The following PITPNM2 variants were observed in gnomAD, a reference collection of about 807,000 sequenced individuals.
PITPNM2 encodes the protein phosphatidylinositol transfer protein membrane associated 2.
Under a neutral mutation model 132.2 loss-of-function variants are expected in PITPNM2, and 35 were observed. That is an observed-to-expected ratio of 0.26 (90% CI 0.20 to 0.35). PITPNM2 has a LOEUF of 0.35. Ranked by LOEUF, PITPNM2 falls within the 10% of genes least tolerant of loss-of-function variation. PITPNM2 has a pLI of 1.00. For missense variants in PITPNM2, 1,332 were observed against 1,912.0 expected (o/e 0.70, Z 5.66); for synonymous variants, 738 against 799.2 (o/e 0.92, Z 1.29).
chr12:122,999,698 G>C (rs1026547794), intron 10 of PITPNM2, among the ~76,000 whole-genome samples: 1 of 152,168 alleles, frequency 6.6e-6, no homozygotes, highest in Non-Finnish European at 1.5e-5. Context: ...CTGGGCTCTA[G>C]TTGGGGCTGA....
In PITPNM2 at chr12:122,986,365, A is replaced by G. The variant is rs369160930; in HGVS notation, c.3727-15T>C. 8.0e-5 allele frequency: 127 copies of G among 1,579,646 alleles called. No homozygotes were observed. In the African/African-American group the frequency reaches 1.5e-3, roughly 19 times the overall value. ...TCCGTGATGAACTGCGGGGTCAGTGAGGACGGCTGTCACAGGCTGGGGCTC... is the reference window on the plus strand; with the variant it reads ...TCCGTGATGAACTGCGGGGTCAGTGGGGACGGCTGTCACAGGCTGGGGCTC... On this transcript the variant is annotated splice_polypyrimidine_tract_variant and intron_variant, in intron 25 of 25. Coordinates refer to ENST00000320201, the MANE Select transcript of PITPNM2 (RefSeq NM_020845.3).
At chr12:123,028,355 G>A (rs936882204) in intron 3 of PITPNM2, among the ~76,000 whole-genome samples, 10 of 152,230 alleles carry the variant, frequency 6.6e-5, no homozygotes, top group Non-Finnish European at 1.0e-4. Context: ...CTTGCAGAGA[G>A]GAAGGCCTAT....
chr12:123,016,044 G>A (rs1292278297), intron 3 of PITPNM2, among the ~76,000 whole-genome samples: 1 of 152,070 alleles, frequency 6.6e-6, no homozygotes, highest in Non-Finnish European at 1.5e-5. Flanking sequence ...CCACAATGAG[G>A]GCCAAGTGTG....
chr12:123,019,214 T>TTATA (rs1012800707), intron 3 of PITPNM2, among the ~76,000 whole-genome samples: 48 of 152,144 alleles, frequency 3.2e-4, no homozygotes, highest in African/African-American at 1.2e-3. Context: ...GGTGTATGAA[T>TTATA]TATAGCTCAA....
Position 122,986,367 on chromosome 12 carries a change from G to T in PITPNM2, c.3727-17C>A. ...CGTGATGAACTGCGGGGTCAGTGAGGACGGCTGTCACAGGCTGGGGCTCCC... is the reference window on the plus strand; with the variant it reads ...CGTGATGAACTGCGGGGTCAGTGAGTACGGCTGTCACAGGCTGGGGCTCCC... On this transcript the variant is annotated splice_polypyrimidine_tract_variant and intron_variant, in intron 25 of 25. Coordinates refer to ENST00000320201, the MANE Select transcript of PITPNM2 (RefSeq NM_020845.3). The T allele has an allele frequency of 6.3e-7, 1 of 1,580,142 alleles. No individual in the cohort carries two copies. Among genetic ancestry groups the T allele is most frequent in the Non-Finnish European group, 8.6e-7 (1 of 1,164,420 alleles).
At chr12:123,018,959 T>G (rs1158083728) in intron 3 of PITPNM2, among the ~76,000 whole-genome samples, 2 of 151,564 alleles carry the variant, frequency 1.3e-5, no homozygotes, top group East Asian at 3.9e-4. Flanking sequence ...AATTTTTATA[T>G]TATTAGTAGA....
Position 123,065,872 on chromosome 12 carries a change from G to A in PITPNM2, c.-95-31187C>T, listed in dbSNP as rs543038494. ...ACACTCAGCACTTCCTGCATTCAGG[G>A]GCACCCTCTGTCATCCTGGACAGCA... is the stretch of plus-strand genomic sequence containing the variant. On this transcript the variant is annotated intron_variant, in intron 2 of 25. Coordinates refer to ENST00000320201, the MANE Select transcript of PITPNM2 (RefSeq NM_020845.3). Among the ~76,000 whole-genome samples, 23 of 152,244 alleles carry A rather than the reference G, an allele frequency of 1.5e-4. 1 individual carries two copies. In the South Asian group the frequency reaches 3.9e-3, roughly 26 times the overall value.
At chr12:123,021,662 T>C in intron 3 of PITPNM2, 1 of 984,848 alleles carries the variant, frequency 1.0e-6, no homozygotes, top group South Asian at 4.7e-5. Context: ...TCCCTGAGGA[T>C]GTGGGGCATG....
chr12:123,014,308 A>G (rs1263237177), intron 3 of PITPNM2, among the ~76,000 whole-genome samples: 3 of 152,244 alleles, frequency 2.0e-5, no homozygotes, highest in Non-Finnish European at 4.4e-5. Flanking sequence ...CAGGACTAAA[A>G]GCGTTCCCAA....
At chr12:123,121,230 G>A (rs2043027146) in intron 1 of PITPNM2, among the ~76,000 whole-genome samples, 1 of 152,216 alleles carries the variant, frequency 6.6e-6, no homozygotes, top group African/African-American at 2.4e-5. Flanking sequence ...CCAGTTTGGT[G>A]GGGTATGGTG....
chr12:123,135,690 G>C (rs546940365), intron 1 of PITPNM2, among the ~76,000 whole-genome samples: 161 of 152,238 alleles, frequency 1.1e-3, no homozygotes, highest in African/African-American at 3.6e-3. Flanking sequence ...CACGTGGCAG[G>C]ATTTCCCTTT....
chr12:123,010,181 T>G, intron 5 of PITPNM2, 104 bp from the exon 6 acceptor site: 1 of 980,084 alleles, frequency 1.0e-6, no homozygotes, highest in Non-Finnish European at 1.5e-6. Flanking sequence ...CTCTGGGCCT[T>G]GCCCTGCCAG....
intron 3 of PITPNM2, among the ~76,000 whole-genome samples, chr12:123,030,154 C>T (rs1252527797): frequency 6.6e-6 from 1 of 152,046 alleles, no homozygotes; most frequent in Non-Finnish European, 1.5e-5. Flanking sequence ...CAGAAGGACC[C>T]TTGAGATAAC....
intron 3 of PITPNM2, among the ~76,000 whole-genome samples, chr12:123,033,764 G>A (rs2040174821): frequency 1.3e-5 from 2 of 152,152 alleles, no homozygotes. Context: ...TTTGGAGATG[G>A]GGCCTTTGGG....
In PITPNM2 at chr12:123,005,240, C is replaced by T; in HGVS notation, c.952G>A (p.Ala318Thr). Residue 318 changes from alanine (A) to threonine (T), a missense_variant and splice_region_variant, in exon 7 of 26, where the codon GCG becomes ACG. Around this residue, in one of 6 missense-constraint regions of PITPNM2, gnomAD observed 710 missense variants for 911.5 expected, o/e 0.78. Transcript: ENST00000320201. This position sits in a 1 kb window ranked among gnomAD's most constrained non-coding sequence, Gnocchi z 6.2. ...SKSSRSSKRG[A>T]SPSRHSISEW... The stretch of plus-strand genomic sequence containing the variant: ...GGTGGCAGGTGGCGCAGGGCCTTAC[C>T]TCCCCGCTTGGACGACCGAGACGAC... The T allele has an allele frequency of 6.2e-7, 1 of 1,610,376 alleles. No homozygotes were observed. The highest frequency in any genetic ancestry group is 8.5e-7 in the Non-Finnish European group (1 of 1,177,532).
At chr12:123,072,677 G>C (rs2041651390) in intron 2 of PITPNM2, among the ~76,000 whole-genome samples, 1 of 152,244 alleles carries the variant, frequency 6.6e-6, no homozygotes, top group Non-Finnish European at 1.5e-5. Flanking sequence ...CCTGTCAACA[G>C]CTGCTCAAGG....
intron 3 of PITPNM2, among the ~76,000 whole-genome samples, chr12:123,030,671 C>G (rs563328871): frequency 6.7e-6 from 1 of 149,496 alleles, no homozygotes; most frequent in South Asian, 2.1e-4. Context: ...CCACCCTGGG[C>G]GACAGAGCGA....
Position 123,110,828 on chromosome 12 carries a change from C to T in PITPNM2, c.-199-340G>A, listed in dbSNP as rs554779347. ...CTCTGTCTCAAACCTTGATTTTTCA[C>T]TCATGAACCCCACTGGGATTGGAGG... On this transcript the variant is annotated intron_variant, in intron 1 of 25. Coordinates refer to ENST00000320201, the MANE Select transcript of PITPNM2 (RefSeq NM_020845.3). Among the ~76,000 whole-genome samples the T allele has an allele frequency of 9.8e-5, 15 of 152,306 alleles. 1 individual carries two copies. Among genetic ancestry groups the T allele is most frequent in the Admixed American group, 5.9e-4 (9 of 15,308 alleles).
intron 1 of PITPNM2, among the ~76,000 whole-genome samples, chr12:123,134,266 T>C (rs2043328415): frequency 6.6e-6 from 1 of 152,098 alleles, no homozygotes; most frequent in Non-Finnish European, 1.5e-5. Context: ...GGTTTTACCA[T>C]GTTAGCCAAG....
Sources: gnomAD v4.1 joint callset for allele counts (sites outside exome capture counted in the v4.1 genomes callset) on GRCh38, gnomAD v4.1.1 for gene constraint, gnomAD v4.1.1 regional missense constraint, Gnocchi (gnomAD v3.1) non-coding constraint, MANE v1.5 for transcripts, NCBI Gene and HGNC (gene_info 2026-07-23, HGNC 2026-07-21) for gene names.